ATP8B4: variants seen among roughly 807,000 people sequenced by gnomAD.
ATP8B4 encodes the protein ATPase phospholipid transporting 8B4 (putative).
In ATP8B4, 133 loss-of-function variants were observed where a neutral mutation model predicts 145.6. The ratio of observed to expected loss-of-function variants is 0.91; its 90% confidence interval spans 0.79 to 1.05. The LOEUF (loss-of-function observed/expected upper bound fraction) is 1.05, where lower values mean the gene tolerates loss of function less well. Ranked by LOEUF, ATP8B4 falls within the 50% of genes least tolerant of loss-of-function variation. The pLI, the probability that ATP8B4 is intolerant of heterozygous loss-of-function variation, is 0.00. For synonymous variants in ATP8B4, 507 were observed against 492.9 expected, an observed-to-expected ratio of 1.03 and a Z score of -0.38; for missense variants, 1,458 against 1,425.2, an observed-to-expected ratio of 1.02 and a Z score of -0.37.
chr15:49,906,730 A>T (rs1271827785), intron 20 of ATP8B4, among the ~76,000 whole-genome samples: 1 of 152,222 alleles, frequency 6.6e-6, no homozygotes, highest in African/African-American at 2.4e-5. Flanking sequence ...TCAAAAGAAT[A>T]AACTTTAAAT....
At chr15:49,873,618 C>T (rs1376010857) in intron 25 of ATP8B4, among the ~76,000 whole-genome samples, 2 of 151,976 alleles carry the variant, frequency 1.3e-5, no homozygotes, top group African/African-American at 4.8e-5. Context: ...CATTTTTATG[C>T]TTTTCTTGAA....
At chr15:49,998,647 G>C (rs560213901) in intron 8 of ATP8B4, among the ~76,000 whole-genome samples, 1 of 152,248 alleles carries the variant, frequency 6.6e-6, no homozygotes, top group Admixed American at 6.5e-5. Flanking sequence ...TTAGCCCTTT[G>C]TCAGATGAGT....
intron 12 of ATP8B4, among the ~76,000 whole-genome samples, chr15:49,974,523 C>A (rs2045498879): frequency 6.6e-6 from 1 of 151,882 alleles, no homozygotes; most frequent in African/African-American, 2.4e-5. Context: ...CCACAGCTGG[C>A]TGATTGTCTT....
At chr15:50,141,294 C>A (rs2044205857) in intron 1 of ATP8B4, among the ~76,000 whole-genome samples, 1 of 151,834 alleles carries the variant, frequency 6.6e-6, no homozygotes, top group Admixed American at 6.6e-5. Context: ...AATAGGGAAA[C>A]CAAAACAAAA....
At chr15:49,915,356 G>C (rs139311836) in intron 20 of ATP8B4, among the ~76,000 whole-genome samples, 5 of 152,140 alleles carry the variant, frequency 3.3e-5, no homozygotes, top group Non-Finnish European at 7.4e-5. Flanking sequence ...TAGTACAAAC[G>C]TATAGTTAGA....
At chr15:50,031,579 T>C (rs1484941259) in intron 6 of ATP8B4, among the ~76,000 whole-genome samples, 2 of 151,752 alleles carry the variant, frequency 1.3e-5, no homozygotes, top group Non-Finnish European at 2.9e-5. Flanking sequence ...TTTTTTTTTG[T>C]TGCAGGTGCT....
chr15:49,972,553 C>G (rs762317353), intron 13 of ATP8B4, 29 bp downstream of exon 13: 2 of 1,588,392 alleles, frequency 1.3e-6, no homozygotes, highest in Admixed American at 3.5e-5. Context: ...TTAACAATAT[C>G]GTTAAGAGAA....
intron 1 of ATP8B4, among the ~76,000 whole-genome samples, chr15:50,176,045 G>GTA (rs1205511169): frequency 4.0e-5 from 6 of 150,532 alleles, no homozygotes; most frequent in East Asian, 1.9e-4. Flanking sequence ...TAGAGAGAGT[G>GTA]TATATATATA....
chr15:50,139,135 C>T (rs1451198816), intron 1 of ATP8B4, among the ~76,000 whole-genome samples: 1 of 152,174 alleles, frequency 6.6e-6, no homozygotes, highest in Non-Finnish European at 1.5e-5. Flanking sequence ...GACACATGCA[C>T]ACGTATGTTT....
chr15:50,169,030 G>A (rs117811481), intron 1 of ATP8B4, among the ~76,000 whole-genome samples: 7,824 of 152,174 alleles, frequency 0.051, 247 homozygotes, highest in Admixed American at 0.11. Flanking sequence ...AGCAAGACCC[G>A]CCCAAGGAGA....
intron 20 of ATP8B4, among the ~76,000 whole-genome samples, chr15:49,914,808 A>C (rs1359296744): frequency 6.6e-6 from 1 of 152,110 alleles, no homozygotes; most frequent in Non-Finnish European, 1.5e-5. Flanking sequence ...TAAATAAATA[A>C]ATTAATAAAT....
At chr15:50,050,122 T>G (rs1235174839) in intron 3 of ATP8B4, among the ~76,000 whole-genome samples, 1 of 152,294 alleles carries the variant, frequency 6.6e-6, no homozygotes, top group African/African-American at 2.4e-5. Context: ...TTTCAACCAT[T>G]CTCTATGATT....
intron 3 of ATP8B4, among the ~76,000 whole-genome samples, chr15:50,050,332 T>C (rs183558089): frequency 6.6e-6 from 1 of 152,348 alleles, no homozygotes; most frequent in East Asian, 1.9e-4. Context: ...ATTCTGGCAA[T>C]TGTGTCTCAC....
chr15:49,930,884 T>C (rs1200069449), intron 16 of ATP8B4, among the ~76,000 whole-genome samples: 1 of 152,088 alleles, frequency 6.6e-6, no homozygotes, highest in African/African-American at 2.4e-5. Flanking sequence ...ATTGATACAT[T>C]GTACATACTC....
At chr15:50,146,693 C>A (rs1344764920) in intron 1 of ATP8B4, among the ~76,000 whole-genome samples, 1 of 152,060 alleles carries the variant, frequency 6.6e-6, no homozygotes, top group Non-Finnish European at 1.5e-5. Context: ...CCATGGTCAC[C>A]AACATTTAGG....
intron 2 of ATP8B4, among the ~76,000 whole-genome samples, chr15:50,095,377 ACT>A (rs2055906045): frequency 6.6e-6 from 1 of 152,166 alleles, no homozygotes; most frequent in African/African-American, 2.4e-5. Flanking sequence ...CAGAATAAAT[ACT>A]CTGTTATTCC....
chr15:49,918,489 C>G (rs1482361687), intron 19 of ATP8B4, among the ~76,000 whole-genome samples: 1 of 152,208 alleles, frequency 6.6e-6, no homozygotes, highest in East Asian at 1.9e-4. Context: ...CAATATCCTG[C>G]TTTAGTTCTG....
At chr15:50,044,560 G>T in intron 5 of ATP8B4, 34 bp downstream of exon 5, 1 of 1,422,174 alleles carries the variant, frequency 7.0e-7, no homozygotes, top group South Asian at 1.3e-5. Flanking sequence ...AACTGAAATT[G>T]AGACCTCAAG....
intron 21 of ATP8B4, among the ~76,000 whole-genome samples, chr15:49,900,267 C>T (rs1160392784): frequency 1.3e-5 from 2 of 152,150 alleles, no homozygotes; most frequent in Non-Finnish European, 2.9e-5. Flanking sequence ...TAAGAGCTAA[C>T]AACAGACAGC....
Sources: allele counts gnomAD v4.1 joint callset (sites outside exome capture counted in the v4.1 genomes callset), GRCh38; gene constraint gnomAD v4.1.1; transcripts MANE v1.5; gene names NCBI Gene and HGNC (gene_info 2026-07-23, HGNC 2026-07-21).